The following FSIP2 variants were observed in gnomAD, a reference collection of about 807,000 sequenced individuals.
FSIP2 encodes fibrous sheath-interacting protein 2.
A neutral mutation model predicts 510.5 loss-of-function variants in FSIP2; 367 were observed. The ratio of observed to expected loss-of-function variants is 0.72; its 90% CI spans 0.66 to 0.78. FSIP2 has a LOEUF of 0.78. Ranked by LOEUF, FSIP2 falls within the 30% of genes least tolerant of loss-of-function variation. The pLI is 0.00. For synonymous variants in FSIP2, 2,601 were observed against 2,732.2 expected (o/e 0.95, Z 1.50); for missense variants, 7,594 against 7,901.7 (o/e 0.96, Z 1.48).
In FSIP2 at chr2:185,789,135, A is replaced by T; in HGVS notation, c.1999A>T (p.Thr667Ser). Residue 667 changes from threonine (T) to serine (S), a missense_variant, in exon 16 of 23, where the codon ACA (threonine) becomes TCA (serine). By Grantham distance (58) the Thr-to-Ser change is moderately conservative. Coordinates refer to ENST00000424728, the MANE Select transcript of FSIP2 (RefSeq NM_173651.4). The stretch of plus-strand genomic sequence containing the variant: ...AAAATCTAAGGATGCTACCACTGAA[A>T]CAGATAGCTTAGGGAGTTCATTGCA... ...TKKSKDATTE[T>S]DSLGSSLHCD... 2 of 1,535,204 alleles carry T rather than the reference A, an allele frequency of 1.3e-6. No homozygotes were observed. Among genetic ancestry groups the T allele is most frequent in the Non-Finnish European group, 1.7e-6 (2 of 1,146,094 alleles).
At chr2:185,787,199 A>G (rs554158715) in intron 15 of FSIP2, among the ~76,000 whole-genome samples, 16 of 149,440 alleles carry the variant, frequency 1.1e-4, no homozygotes, top group African/African-American at 3.9e-4. Context: ...TTTGATTTAG[A>G]CTGTATTTAT....
intron 12 of FSIP2, among the ~76,000 whole-genome samples, chr2:185,763,531 T>G (rs1692397689): frequency 1.3e-5 from 2 of 151,584 alleles, no homozygotes; most frequent in Non-Finnish European, 3.0e-5. Flanking sequence ...TTGGACTTCT[T>G]TGACTGGGCT....
At chr2:185,746,045 C>T (rs191591770) in intron 5 of FSIP2, among the ~76,000 whole-genome samples, 2 of 152,186 alleles carry the variant, frequency 1.3e-5, no homozygotes, top group Admixed American at 1.3e-4. Flanking sequence ...CATGGACAAG[C>T]CCATTTCTTA....
chr2:185,816,445 T>C (rs558967671), intron 19 of FSIP2, among the ~76,000 whole-genome samples: 1 of 151,968 alleles, frequency 6.6e-6, no homozygotes, highest in Admixed American at 6.6e-5. Context: ...AAGGTTCTGA[T>C]TTCCCCATGG....
rs1410132812 is a variant in FSIP2, at chr2:185,805,032, T to C, written c.15726T>C (p.Gly5242=). ...MYHHLQPFLH[G]EESSFSDLSD... is the part of the protein sequence containing the mutation. ...ATCATTTACAGCCATTTTTACATGG[T>C]GAAGAATCATCTTTCAGTGACTTAT... The change falls in exon 17 of 23, where the codon GGT becomes GGC. Residue 5242 remains glycine (G), a synonymous_variant. Coordinates refer to ENST00000424728, the MANE Select transcript of FSIP2 (RefSeq NM_173651.4). 6.3e-7 allele frequency: 1 copy of C among 1,596,510 alleles called. No individual in the cohort carries two copies. Among genetic ancestry groups the C allele is most frequent in the African/African-American group, 1.3e-5 (1 of 74,332 alleles).
intron 14 of FSIP2, 121 bp from the exon 15 acceptor site, chr2:185,786,131 T>A (rs1692967609): frequency 3.0e-6 from 2 of 661,222 alleles, no homozygotes; most frequent in Non-Finnish European, 5.1e-6. Flanking sequence ...TTCTTCATTT[T>A]GAATTTCTAG....
rs749022246 is a variant in FSIP2, at chr2:185,807,736, G to C, written c.18430G>C (p.Val6144Leu). The change falls in exon 17 of 23, where the codon GTG (valine) becomes CTG (leucine). Residue 6144 changes from valine to leucine, a missense_variant. Physicochemically the swap from Val to Leu is conservative, Grantham distance 32 (BLOSUM62 1). Transcript: ENST00000424728. ...FCGELTPHQC[V>L]EVENIVEKIL... is the part of the protein sequence containing the mutation. ...TGGAGAGCTAACTCCACATCAGTGT[G>C]TGGAAGTTGAAAACATCGTTGAAAA... The C allele has an allele frequency of 1.1e-4, 180 of 1,612,268 alleles. No homozygotes were observed. The highest frequency in any genetic ancestry group is 1.5e-4 in the Non-Finnish European group (172 of 1,179,146).
At chr2:185,743,348 A>T in intron 3 of FSIP2, 54 bp downstream of exon 3, 1 of 1,261,318 alleles carries the variant, frequency 7.9e-7, no homozygotes, top group Non-Finnish European at 1.0e-6. Flanking sequence ...AAAACTTGAT[A>T]TAAACTTGTT....
chr2:185,792,140 T>G lies in FSIP2; in HGVS notation c.5004T>G (p.Ser1668Arg), dbSNP rs1693146988. The G allele has an allele frequency of 6.5e-7, 1 of 1,533,426 alleles. No individual in the cohort carries two copies. The highest frequency in any genetic ancestry group is 8.7e-7 in the Non-Finnish European group (1 of 1,145,266). 95.0% of individuals were successfully genotyped at this position (1,533,426 alleles called of 1,614,324 possible). Reference sequence around the variant, plus strand: ...TGACCTCATCAGATTTGAAGACAAGTGTAGAAAACCCACCACCTGAGACTC... The same window carrying G: ...TGACCTCATCAGATTTGAAGACAAGGGTAGAAAACCCACCACCTGAGACTC... ...LNVTSSDLKT[S>R]VENPPPETQI... is the part of the protein sequence containing the mutation. Residue 1668 changes from serine (S) to arginine (R), a missense_variant, in exon 16 of 23, where the codon AGT becomes AGG. Transcript: ENST00000424728.
intron 19 of FSIP2, among the ~76,000 whole-genome samples, chr2:185,819,064 A>G (rs925388406): frequency 6.6e-6 from 1 of 151,928 alleles, no homozygotes; most frequent in Non-Finnish European, 1.5e-5. Context: ...TGGAACCTCA[A>G]TAACATAAAA....
In FSIP2 at chr2:185,805,734, A is replaced by G. The variant is rs1403921900; in HGVS notation, c.16428A>G (p.Lys5476=). ...RGTMNRKKSF[K]TKDTSVKKGD... ...CAATGAATAGAAAGAAAAGTTTTAA[A>G]ACCAAGGACACATCAGTGAAAAAAG... is the stretch of plus-strand genomic sequence containing the variant. The change falls in exon 17 of 23, where the codon AAA becomes AAG. Residue 5476 remains lysine, a synonymous_variant. Transcript: ENST00000424728. 3 of 1,604,584 alleles carry G rather than the reference A, an allele frequency of 1.9e-6. No homozygotes were observed. The East Asian group carries it at 6.7e-5, about 36-fold the overall frequency.
intron 21 of FSIP2, among the ~76,000 whole-genome samples, chr2:185,831,007 T>C (rs1024781506): frequency 6.6e-6 from 1 of 151,956 alleles, no homozygotes; most frequent in African/African-American, 2.4e-5. Context: ...TTGTTTCCAA[T>C]AGCTTAATAC....
intron 13 of FSIP2, among the ~76,000 whole-genome samples, chr2:185,781,310 C>G (rs1215989894): frequency 4.6e-5 from 7 of 152,092 alleles, no homozygotes; most frequent in Admixed American, 4.6e-4. Flanking sequence ...TTTGTGTTAG[C>G]TGATTTTGCC....
rs756387264 is a variant in FSIP2, at chr2:185,808,077, T to C, written c.18771T>C (p.Tyr6257=). The change falls in exon 17 of 23, where the codon TAT becomes TAC. Residue 6257 remains tyrosine (Y), a synonymous_variant. Coordinates refer to ENST00000424728, the MANE Select transcript of FSIP2 (RefSeq NM_173651.4). ...ATIENIVNSI[Y]TSVLKHSGSY... is the part of the protein sequence containing the mutation. ...TTGAAAACATAGTTAATTCTATTTA[T>C]ACCAGTGTTTTAAAGCACTCTGGCT... is the stretch of plus-strand genomic sequence containing the variant. 7 of 1,608,532 alleles carry C rather than the reference T, an allele frequency of 4.4e-6. No individual in the cohort carries two copies. In the East Asian group the frequency reaches 1.6e-4, roughly 36 times the overall value.
chr2:185,750,436 A>G (rs1041812795), intron 7 of FSIP2, among the ~76,000 whole-genome samples: 3 of 151,462 alleles, frequency 2.0e-5, no homozygotes, highest in Admixed American at 1.3e-4. Context: ...TTATCATTTG[A>G]GTATTTCTAG....
chr2:185,767,335 A>G (rs1169029871), intron 13 of FSIP2, among the ~76,000 whole-genome samples: 2 of 151,942 alleles, frequency 1.3e-5, no homozygotes, highest in Non-Finnish European at 1.5e-5. Flanking sequence ...TAAAAATAAA[A>G]AAATAAAAAA....
chr2:185,782,487 G>A (rs907417851), intron 13 of FSIP2, among the ~76,000 whole-genome samples: 2 of 152,162 alleles, frequency 1.3e-5, no homozygotes, highest in African/African-American at 4.8e-5. Flanking sequence ...GCATAAGTAT[G>A]AAAGACTAGT....
intron 13 of FSIP2, among the ~76,000 whole-genome samples, chr2:185,770,788 A>T (rs533530978): frequency 6.6e-6 from 1 of 152,214 alleles, no homozygotes; most frequent in Non-Finnish European, 1.5e-5. Context: ...TTCAATAAAA[A>T]GTCCAAGGTC....
chr2:185,748,452 T>C (rs1692080305), intron 7 of FSIP2, among the ~76,000 whole-genome samples: 1 of 151,860 alleles, frequency 6.6e-6, no homozygotes, highest in African/African-American at 2.4e-5. Flanking sequence ...ATAATTATTA[T>C]TAATATTTTC....
Sources: allele counts gnomAD v4.1 joint callset (sites outside exome capture counted in the v4.1 genomes callset), GRCh38; gene constraint gnomAD v4.1.1; transcripts MANE v1.5; gene names NCBI Gene and HGNC (gene_info 2026-07-23, HGNC 2026-07-21).